The following PTH1R variants were observed in gnomAD, a reference collection of about 807,000 sequenced individuals.
PTH1R encodes the protein parathyroid hormone/parathyroid hormone-related peptide receptor.
Under a neutral mutation model 70.7 loss-of-function variants are expected in PTH1R, and 32 were observed. The ratio of observed to expected loss-of-function variants is 0.45; its 90% CI spans 0.34 to 0.61. The LOEUF is 0.61. PTH1R is among the 20% of genes least tolerant of loss of function. PTH1R has a pLI of 0.01. For synonymous variants in PTH1R, 329 were observed against 324.8 expected (o/e 1.01, Z -0.14); for missense variants, 626 against 792.5 (o/e 0.79, Z 2.52).
rs758862102 is a variant in PTH1R, at chr3:46,899,365, T to A, written c.897T>A (p.Ile299=). 1 of 1,614,026 alleles carries A rather than the reference T, an allele frequency of 6.2e-7. No individual in the cohort carries two copies. The highest frequency in any genetic ancestry group is 1.1e-5 in the South Asian group (1 of 91,072). Residue 299 remains isoleucine (I), a synonymous_variant, in exon 10 of 16, where the codon ATT becomes ATA. Coordinates refer to ENST00000449590, the MANE Select transcript of PTH1R (RefSeq NM_000316.3). ...TCCTGGCCACCAACTACTACTGGAT[T>A]CTGGTGGAGGGGCTGTACCTGCACA... is the stretch of plus-strand genomic sequence containing the variant. ...LYFLATNYYW[I]LVEGLYLHSL...
rs925171545 is a variant in PTH1R, at chr3:46,902,298, G to T, written c.1212-228G>T. Among the ~76,000 whole-genome samples the T allele has an allele frequency of 1.3e-5, 2 of 152,140 alleles. No homozygotes were observed. The highest frequency in any genetic ancestry group is 2.9e-5 in the Non-Finnish European group (2 of 68,014). On this transcript the variant is annotated intron_variant, in intron 13 of 15. Transcript: ENST00000449590. The surrounding 1 kb of genome is among the most constrained non-coding windows in gnomAD (Gnocchi z 5.4). ...AGGTGCGAAGGGCCCAGGGACAGGG[G>T]GACTGTCATTTGAAGTCCGCTCCGG... is the stretch of plus-strand genomic sequence containing the variant.
At chr3:46,886,922 G>C (rs1024641720) in intron 3 of PTH1R, among the ~76,000 whole-genome samples, 11 of 152,164 alleles carry the variant, frequency 7.2e-5, no homozygotes, top group African/African-American at 2.6e-4. Context: ...TCTCACTCTG[G>C]GTTTTCTCTT....
rs2031459292 is a variant in PTH1R at position 46,892,283 on chromosome 3, A to G, written c.76-1624A>G. Among the ~76,000 whole-genome samples, 1 of 152,206 alleles carries G rather than the reference A, an allele frequency of 6.6e-6. No homozygotes were observed. Among genetic ancestry groups the G allele is most frequent in the South Asian group, 2.1e-4 (1 of 4,834 alleles). ...GGGCCACCCACAGACGCAAAGGCTA[A>G]GGAGCTGCCGCCTCACTCACAGACG... On this transcript the variant is annotated intron_variant, in intron 3 of 15. Transcript: ENST00000449590. The surrounding 1 kb of genome is among the most constrained non-coding windows in gnomAD (Gnocchi z 5.2).
At chr3:46,895,951 C>T (rs2107023289) in intron 5 of PTH1R, 82 bp downstream of exon 5, 9 of 1,520,124 alleles carry the variant, frequency 5.9e-6, no homozygotes, top group Middle Eastern at 2.3e-4. Context: ...GATGTGAGCT[C>T]ATGCTTCTTG....
chr3:46,881,181 G>T (rs962831475), intron 2 of PTH1R, 63 bp downstream of exon 2: 1 of 152,236 alleles, frequency 6.6e-6, no homozygotes, highest in Non-Finnish European at 1.5e-5. Context: ...TCATGCATTC[G>T]CTTCCTCCGC....
In PTH1R at chr3:46,898,369, C is replaced by G. The variant is rs769316061; in HGVS notation, c.544-9C>G. ...GGGCTCTGACTGTGTCTCCCCCCGC[C>G]CCGCACAGGAGGTGTTTGACCGCCT... is the stretch of plus-strand genomic sequence containing the variant. On this transcript the variant is annotated splice_polypyrimidine_tract_variant and intron_variant, in intron 7 of 15. Coordinates refer to ENST00000449590, the MANE Select transcript of PTH1R (RefSeq NM_000316.3). 4 of 1,613,652 alleles carry G rather than the reference C, an allele frequency of 2.5e-6. No individual in the cohort carries two copies. The East Asian group carries it at 6.7e-5, about 27-fold the overall frequency.
In PTH1R at chr3:46,898,034, G is replaced by A. The variant is rs771830426; in HGVS notation, c.425-40G>A. 1.7e-5 allele frequency: 27 copies of A among 1,612,804 alleles called. No individual in the cohort carries two copies. In the Admixed American group the frequency reaches 4.0e-4, roughly 24 times the overall value. ...CTTGGAGCTAGGGGTTCAGTGCCTC[G>A]AGACCTCCCTGCCGGCCCTGACCTC... On this transcript the variant is annotated intron_variant, in intron 6 of 15. Coordinates refer to ENST00000449590, the MANE Select transcript of PTH1R (RefSeq NM_000316.3).
At chr3:46,900,314 A>G (rs574478590) in intron 10 of PTH1R, among the ~76,000 whole-genome samples, 80 of 152,226 alleles carry the variant, frequency 5.3e-4, no homozygotes, top group Non-Finnish European at 9.7e-4. Context: ...CGACATGCAG[A>G]TTGGGAGTGC....
chr3:46,898,344 G>A lies in PTH1R; in HGVS notation c.544-34G>A, dbSNP rs747927431. On this transcript the variant is annotated intron_variant, in intron 7 of 15. Coordinates refer to ENST00000449590, the MANE Select transcript of PTH1R (RefSeq NM_000316.3). The stretch of plus-strand genomic sequence containing the variant: ...ACCCTGATGCTCTCCCTGGGTCCCA[G>A]GGCTCTGACTGTGTCTCCCCCCGCC... 6 of 1,607,122 alleles carry A rather than the reference G, an allele frequency of 3.7e-6. No individual in the cohort carries two copies. The East Asian group carries it at 1.1e-4, about 30-fold the overall frequency.
In PTH1R at chr3:46,899,417, G is replaced by A; in HGVS notation, c.949G>A (p.Glu317Lys). 17 of 1,613,572 alleles carry A rather than the reference G, an allele frequency of 1.1e-5. No individual in the cohort carries two copies. Among genetic ancestry groups the A allele is most frequent in the Non-Finnish European group, 1.4e-5 (16 of 1,179,992 alleles). The change falls in exon 10 of 16, where the codon GAG (glutamate) becomes AAG (lysine). Residue 317 changes from glutamate to lysine, a missense_variant. Glu to Lys is a moderately conservative substitution (Grantham distance 56). Coordinates refer to ENST00000449590, the MANE Select transcript of PTH1R (RefSeq NM_000316.3). The stretch of plus-strand genomic sequence containing the variant: ...CCTCATCTTCATGGCCTTCTTCTCA[G>A]AGAAGAAGTACCTGTGGGGCTTCAC... ...HSLIFMAFFS[E>K]KKYLWGFTVF...
rs563552826 is a variant in PTH1R at position 46,884,875 on chromosome 3, C to G, written c.75+1241C>G. 6.6e-6 allele frequency among the ~76,000 whole-genome samples: 1 copy of G among 152,192 alleles called. No individual in the cohort carries two copies. On this transcript the variant is annotated intron_variant, in intron 3 of 15. Transcript: ENST00000449590. The surrounding 1 kb of genome is among the most constrained non-coding windows in gnomAD (Gnocchi z 4.8). ...GAGAATCCCATCATCAGAGGCTCTC[C>G]CTTCCTCTGAGGTCCTCAGCACTTC...
intron 10 of PTH1R, 28 bp downstream of exon 10, chr3:46,899,484 G>A: frequency 6.2e-7 from 1 of 1,602,796 alleles, no homozygotes; most frequent in Non-Finnish European, 8.5e-7. Context: ...GTAGCGAGGT[G>A]CCGGCAGGGG....
intron 3 of PTH1R, among the ~76,000 whole-genome samples, chr3:46,885,659 G>A (rs2030969790): frequency 6.6e-5 from 10 of 152,182 alleles, no homozygotes; most frequent in Admixed American, 6.5e-4. Context: ...GTCTGCCCAG[G>A]ACCTTGTTGG....
Position 46,883,110 on chromosome 3 carries a change from G to A in PTH1R, c.-48-402G>A, listed in dbSNP as rs1412353272. ...CCCGCCCCCTCCCCCCACTGGGCGT[G>A]GGGCGAAGCCACAGCTCCCATTTCC... is the stretch of plus-strand genomic sequence containing the variant. On this transcript the variant is annotated intron_variant, in intron 2 of 15. Transcript: ENST00000449590. The surrounding 1 kb of genome is among the most constrained non-coding windows in gnomAD (Gnocchi z 6.4). Among the ~76,000 whole-genome samples, 3 of 151,226 alleles carry A rather than the reference G, an allele frequency of 2.0e-5. No individual in the cohort carries two copies. The highest frequency in any genetic ancestry group is 7.3e-5 in the African/African-American group (3 of 41,228).
rs144725121 is a variant in PTH1R, at chr3:46,897,473, T to C, written c.314-382T>C. Among the ~76,000 whole-genome samples the C allele has an allele frequency of 3.4e-4, 52 of 152,348 alleles. No homozygotes were observed. In the South Asian group the frequency reaches 0.01, roughly 30 times the overall value. On this transcript the variant is annotated intron_variant, in intron 5 of 15. Transcript: ENST00000449590. ...TGGGCCGGGTGCAGTGGCTCATGCC[T>C]GTAATCCCAGCACTTTGGGAGGCCG...
chr3:46,901,472 TC>T lies in PTH1R; in HGVS notation c.1110del (p.Ile371LeufsTer135). 1 of 1,571,186 alleles carries T rather than the reference TC, an allele frequency of 6.4e-7. No homozygotes were observed. Among genetic ancestry groups the T allele is most frequent in the South Asian group, 1.2e-5 (1 of 85,458 alleles). ...KWIIQVPILASIVLNFILFIN... is the reference protein window; with the variant it reads ...KWIIQVPILAXIVLNFILFIN... The stretch of plus-strand genomic sequence containing the variant: ...GATCATCCAGGTGCCCATCCTGGCC[TC>T]CATTGTGGTGAGCAGGGGTGGGCTG... On this transcript the variant is annotated frameshift_variant, in exon 12 of 16. Coordinates refer to ENST00000449590, the MANE Select transcript of PTH1R (RefSeq NM_000316.3). LOFTEE classifies it high-confidence loss of function. The surrounding 1 kb of genome is among the most constrained non-coding windows in gnomAD (Gnocchi z 7.3).
chr3:46,897,718 C>G (rs759433453), intron 5 of PTH1R, 137 bp from the exon 6 acceptor site: 8 of 827,720 alleles, frequency 9.7e-6, no homozygotes, highest in Non-Finnish European at 1.6e-5. Context: ...GCAACAAAAG[C>G]GAAACTCCGT....
rs761996208 is a variant in PTH1R at position 46,898,694 on chromosome 3, T to C, written c.671T>C (p.Met224Thr). Residue 224 changes from methionine (M) to threonine (T), a missense_variant, in exon 9 of 16, where the codon ATG (methionine) becomes ACG (threonine). Physicochemically the swap from Met to Thr is moderately conservative, Grantham distance 81. Coordinates refer to ENST00000449590, the MANE Select transcript of PTH1R (RefSeq NM_000316.3). Reference sequence around the variant, plus strand: ...CACTGCACGCGCAACTACATCCACATGCACCTGTTCCTGTCCTTCATGCTG... The same window carrying C: ...CACTGCACGCGCAACTACATCCACACGCACCTGTTCCTGTCCTTCATGCTG... ...RLHCTRNYIH[M>T]HLFLSFMLRA... 5.0e-6 allele frequency: 8 copies of C among 1,612,504 alleles called. 1 individual carries two copies. Among genetic ancestry groups the C allele is most frequent in the Non-Finnish European group, 6.8e-6 (8 of 1,179,782 alleles).
chr3:46,892,474 C>T lies in PTH1R; in HGVS notation c.76-1433C>T, dbSNP rs2031478418. Among the ~76,000 whole-genome samples the T allele has an allele frequency of 6.6e-6, 1 of 152,214 alleles. No individual in the cohort carries two copies. Among genetic ancestry groups the T allele is most frequent in the Non-Finnish European group, 1.5e-5 (1 of 68,030 alleles). Reference sequence around the variant, plus strand: ...CCACTCGAGAATGCGCTGCCACTCGCGCGCGCACGCACAGGGACGCGCACG... The same window carrying T: ...CCACTCGAGAATGCGCTGCCACTCGTGCGCGCACGCACAGGGACGCGCACG... On this transcript the variant is annotated intron_variant, in intron 3 of 15. Transcript: ENST00000449590. This position sits in a 1 kb window ranked among gnomAD's most constrained non-coding sequence, Gnocchi z 5.2.
Sources: gnomAD v4.1 joint callset for allele counts (sites outside exome capture counted in the v4.1 genomes callset) on GRCh38, gnomAD v4.1.1 for gene constraint, Gnocchi (gnomAD v3.1) non-coding constraint, MANE v1.5 for transcripts, NCBI Gene and HGNC (gene_info 2026-07-23, HGNC 2026-07-21) for gene names.